The following NTMT2 variants were observed in gnomAD, a reference collection of about 807,000 sequenced individuals.
NTMT2 encodes X-Pro-Lys N-terminal protein methyltransferase 1B.
A neutral mutation model predicts 23.4 loss-of-function variants in NTMT2; 21 were observed. The ratio of observed to expected loss-of-function variants is 0.90; its 90% CI spans 0.64 to 1.29. NTMT2 has a LOEUF of 1.29. Ranked by LOEUF, NTMT2 falls within the 50% of genes most tolerant of loss-of-function variation. The pLI is 0.00. For missense variants in NTMT2, 336 were observed against 352.0 expected, an observed-to-expected ratio of 0.95 and a Z score of 0.36; for synonymous variants, 131 against 127.7, an observed-to-expected ratio of 1.03 and a Z score of -0.17.
chr1:170,163,324 T>C (rs917699567), intron 2 of NTMT2, among the ~76,000 whole-genome samples: 1 of 152,224 alleles, frequency 6.6e-6, no homozygotes, highest in African/African-American at 2.4e-5. Context: ...AGTTAGGGAA[T>C]ACGAGTATCT....
chr1:170,166,125 C>CTTTTTTT (rs1420113193), intron 2 of NTMT2, among the ~76,000 whole-genome samples: 8 of 112,534 alleles, frequency 7.1e-5, no homozygotes, highest in African/African-American at 1.0e-4. Context: ...AATTTTCTTT[C>CTTTTTTT]TTTTTTTTTT....
intron 1 of NTMT2, among the ~76,000 whole-genome samples, chr1:170,149,732 T>C (rs1210973824): frequency 6.6e-6 from 1 of 152,200 alleles, no homozygotes; most frequent in Non-Finnish European, 1.5e-5. Flanking sequence ...GCAGAGTTGA[T>C]TGAAGGATTA....
intron 1 of NTMT2, among the ~76,000 whole-genome samples, chr1:170,151,775 T>C (rs1673072248): frequency 6.6e-6 from 1 of 152,178 alleles, no homozygotes; most frequent in African/African-American, 2.4e-5. Flanking sequence ...GATCTATCAC[T>C]CTCTAGCTGC....
At chr1:170,146,453 TAG>T (rs1003242709) in intron 1 of NTMT2, among the ~76,000 whole-genome samples, 192 bp downstream of exon 1, 5 of 152,078 alleles carry the variant, frequency 3.3e-5, no homozygotes, top group Non-Finnish European at 1.5e-5. Context: ...GTGCCTAAAA[TAG>T]AGTCAGGACT....
chr1:170,167,735 T>C lies in NTMT2; in HGVS notation c.830T>C (p.Leu277Pro), dbSNP rs144066772. 13,457 of 1,551,140 alleles carry C rather than the reference T, an allele frequency of 8.7e-3. 84 individuals are homozygous for C. Among genetic ancestry groups the C allele is most frequent in the Middle Eastern group, 0.018 (104 of 5,910 alleles). The change falls in exon 4 of 4, where the codon CTG becomes CCG. Residue 277 changes from leucine to proline, a missense_variant. Transcript: ENST00000439373. ...TGCATCCCCGTGTGGATGTTCGCAC[T>C]GCACAGCGACAGACACTCCTGAAAA... ...EQCIPVWMFA[L>P]HSDRHS
intron 1 of NTMT2, among the ~76,000 whole-genome samples, chr1:170,157,319 T>C (rs1293398427): frequency 6.6e-6 from 1 of 152,172 alleles, no homozygotes; most frequent in Admixed American, 6.5e-5. Context: ...TTATTTAAAC[T>C]TTTAAAAGAT....
At chr1:170,160,751 G>A (rs1021909955) in intron 2 of NTMT2, 58 bp downstream of exon 2, 30 of 1,390,924 alleles carry the variant, frequency 2.2e-5, no homozygotes, top group East Asian at 1.3e-4. Flanking sequence ...CATTGAGCTC[G>A]CATGCCTCTG....
chr1:170,149,547 C>G (rs949344380), intron 1 of NTMT2, among the ~76,000 whole-genome samples: 5 of 152,110 alleles, frequency 3.3e-5, no homozygotes, highest in African/African-American at 1.2e-4. Context: ...TACCATGGTT[C>G]CCGGCACATA....
intron 1 of NTMT2, among the ~76,000 whole-genome samples, chr1:170,156,848 C>T (rs1168488349): frequency 6.6e-6 from 1 of 151,976 alleles, no homozygotes; most frequent in Non-Finnish European, 1.5e-5. Flanking sequence ...CACTTGTGGT[C>T]TAAATGTTGC....
chr1:170,167,258 A>G (rs1351224676), intron 3 of NTMT2, among the ~76,000 whole-genome samples: 1 of 152,172 alleles, frequency 6.6e-6, no homozygotes, highest in Non-Finnish European at 1.5e-5. Context: ...TATGAGGTCG[A>G]CAGGCTAGGT....
intron 2 of NTMT2, among the ~76,000 whole-genome samples, chr1:170,163,917 T>A (rs908779907): frequency 6.6e-6 from 1 of 151,902 alleles, no homozygotes; most frequent in African/African-American, 2.4e-5. Context: ...AGGTCAGGAG[T>A]TCCAGACCAG....
chr1:170,160,901 G>A (rs1328840140), intron 2 of NTMT2, among the ~76,000 whole-genome samples: 3 of 152,078 alleles, frequency 2.0e-5, no homozygotes, highest in Non-Finnish European at 4.4e-5. Context: ...CTCCCACTTG[G>A]CATTTCACTG....
chr1:170,156,180 T>C (rs1258451385), intron 1 of NTMT2, among the ~76,000 whole-genome samples: 2 of 152,176 alleles, frequency 1.3e-5, no homozygotes, highest in Non-Finnish European at 2.9e-5. Context: ...TTCTTGCTGC[T>C]ACTTGCAGGC....
intron 1 of NTMT2, among the ~76,000 whole-genome samples, chr1:170,151,047 C>T (rs181603976): frequency 2.5e-3 from 388 of 152,236 alleles, no homozygotes; most frequent in Non-Finnish European, 4.2e-3. Context: ...TACTCCTAGA[C>T]ATTGTTAAAG....
rs1378727829 is a variant in NTMT2 at position 170,166,502 on chromosome 1, G to C, written c.331G>C (p.Gly111Arg). ...GAAATATCAAGGTGCCTTTCTGCAG[G>C]GGCCTGGGAGAGCTGGAACAGACTG... Reference protein sequence around the residue: ...SQKFLRKFVGGPGRAGTDCAL... With the variant: ...SQKFLRKFVGRPGRAGTDCAL... The change falls in exon 3 of 4, where the codon GGG becomes CGG. Residue 111 changes from glycine to arginine, a missense_variant and splice_region_variant. Gly to Arg is a moderately radical substitution (Grantham distance 125). Transcript: ENST00000439373. 2 of 1,552,272 alleles carry C rather than the reference G, an allele frequency of 1.3e-6. No individual in the cohort carries two copies. Among genetic ancestry groups the C allele is most frequent in the Non-Finnish European group, 1.7e-6 (2 of 1,147,118 alleles).
At chr1:170,162,800 G>T (rs945828796) in intron 2 of NTMT2, among the ~76,000 whole-genome samples, 2 of 152,084 alleles carry the variant, frequency 1.3e-5, no homozygotes, top group Admixed American at 1.3e-4. Flanking sequence ...CAAACTCTCT[G>T]CTCTTAACCA....
chr1:170,146,876 G>A (rs1165121606), intron 1 of NTMT2, among the ~76,000 whole-genome samples: 1 of 152,152 alleles, frequency 6.6e-6, no homozygotes, highest in Non-Finnish European at 1.5e-5. Flanking sequence ...GGACAATAGA[G>A]CAATAAAAAG....
intron 1 of NTMT2, among the ~76,000 whole-genome samples, chr1:170,150,991 G>A (rs905936912): frequency 6.6e-6 from 1 of 152,118 alleles, no homozygotes; most frequent in African/African-American, 2.4e-5. Context: ...TGAACACATA[G>A]AAGTCAATGA....
Position 170,146,064 on chromosome 1 carries a change from C to G in NTMT2, c.-44C>G. 1 of 1,512,030 alleles carries G rather than the reference C, an allele frequency of 6.6e-7. No homozygotes were observed. 93.7% of individuals were successfully genotyped at this position (1,512,030 alleles called of 1,614,324 possible). On this transcript the variant is annotated 5_prime_UTR_variant, in exon 1 of 4. Coordinates refer to ENST00000439373, the MANE Select transcript of NTMT2 (RefSeq NM_001136107.2). ...AGGCTAATTCAAAGAAACAGCAAGGCAAGCTTCCTTTCTCTGTAGGAATCA... is the reference window on the plus strand; with the variant it reads ...AGGCTAATTCAAAGAAACAGCAAGGGAAGCTTCCTTTCTCTGTAGGAATCA...
Sources: gnomAD v4.1 joint callset for allele counts (sites outside exome capture counted in the v4.1 genomes callset) on GRCh38, gnomAD v4.1.1 for gene constraint, MANE v1.5 for transcripts, NCBI Gene and HGNC (gene_info 2026-07-23, HGNC 2026-07-21) for gene names.